The following LRRC4C variants were observed in gnomAD, a reference collection of about 807,000 sequenced individuals.
LRRC4C encodes the protein leucine rich repeat containing 4C.
Under a neutral mutation model 33.6 loss-of-function variants are expected in LRRC4C, and 5 were observed. The observed-to-expected ratio is 0.15, with a 90% CI of 0.08 to 0.31. The LOEUF (loss-of-function observed/expected upper bound fraction) is 0.31. Among genes scored for constraint, LRRC4C ranks in the 10% least tolerant of loss-of-function variants. The pLI is 1.00. For synonymous variants in LRRC4C, 329 were observed against 302.0 expected, an observed-to-expected ratio of 1.09 and a Z score of -0.93; for missense variants, 560 against 796.7, an observed-to-expected ratio of 0.70 and a Z score of 3.58.
At chr11:40,842,067 C>A (rs975727993) in intron 2 of LRRC4C, among the ~76,000 whole-genome samples, 1 of 152,184 alleles carries the variant, frequency 6.6e-6, no homozygotes, top group Non-Finnish European at 1.5e-5. Flanking sequence ...TTATAAATCA[C>A]GACAATTTCC....
At chr11:40,358,453 G>A (rs1470402282) in intron 3 of LRRC4C, among the ~76,000 whole-genome samples, 2 of 152,032 alleles carry the variant, frequency 1.3e-5, no homozygotes, top group South Asian at 2.1e-4. Context: ...GCTAATTTTT[G>A]TACTTTTAGT....
intron 3 of LRRC4C, among the ~76,000 whole-genome samples, chr11:40,501,142 G>T (rs1301944950): frequency 2.0e-5 from 3 of 152,048 alleles, no homozygotes; most frequent in Non-Finnish European, 2.9e-5. Flanking sequence ...GGTGCAAGGG[G>T]GTGGGTTCCC....
chr11:40,189,367 T>C (rs1861649829), intron 5 of LRRC4C, among the ~76,000 whole-genome samples: 1 of 152,160 alleles, frequency 6.6e-6, no homozygotes, highest in Non-Finnish European at 1.5e-5. Context: ...AACCATTGTG[T>C]TGTGTTTTGG....
At chr11:41,107,299 A>C (rs888402572) in intron 1 of LRRC4C, among the ~76,000 whole-genome samples, 3 of 152,088 alleles carry the variant, frequency 2.0e-5, no homozygotes, top group Non-Finnish European at 4.4e-5. Context: ...CTTATGATAC[A>C]AACATTTGAA....
chr11:40,649,016 A>T (rs1319565112), intron 2 of LRRC4C, among the ~76,000 whole-genome samples: 8 of 152,200 alleles, frequency 5.3e-5, no homozygotes, highest in Admixed American at 5.2e-4. Context: ...CACAGGCTTC[A>T]AAGGGCAAAA....
At chr11:41,233,762 A>G (rs997529015) in intron 1 of LRRC4C, among the ~76,000 whole-genome samples, 8 of 152,050 alleles carry the variant, frequency 5.3e-5, no homozygotes, top group African/African-American at 1.9e-4. Context: ...TTCATCATAT[A>G]TTTCTATGAC....
At chr11:40,439,915 C>G (rs1951315655) in intron 3 of LRRC4C, among the ~76,000 whole-genome samples, 1 of 152,196 alleles carries the variant, frequency 6.6e-6, no homozygotes, top group East Asian at 1.9e-4. Context: ...AAACTATAAC[C>G]ATTAGGCCAC....
At chr11:41,344,463 G>A (rs186688786) in intron 1 of LRRC4C, among the ~76,000 whole-genome samples, 25 of 152,046 alleles carry the variant, frequency 1.6e-4, no homozygotes, top group African/African-American at 5.5e-4. Context: ...CTCGTGATCC[G>A]CCCGCCTCGG....
At chr11:41,012,646 T>C (rs902322939) in intron 1 of LRRC4C, among the ~76,000 whole-genome samples, 2 of 152,178 alleles carry the variant, frequency 1.3e-5, no homozygotes, top group Admixed American at 1.3e-4. Flanking sequence ...TTTTAGATTT[T>C]TGAAGAACCT....
At chr11:40,320,053 A>G (rs1403225344) in intron 3 of LRRC4C, among the ~76,000 whole-genome samples, 2 of 152,086 alleles carry the variant, frequency 1.3e-5, no homozygotes, top group Non-Finnish European at 2.9e-5. Flanking sequence ...GAAATGTGTC[A>G]TATGAATTTC....
At chr11:40,504,185 TGGCA>T (rs1334428645) in intron 3 of LRRC4C, among the ~76,000 whole-genome samples, 1 of 152,124 alleles carries the variant, frequency 6.6e-6, no homozygotes, top group Non-Finnish European at 1.5e-5. Context: ...ATTTATCATC[TGGCA>T]TTTTGTAAAA....
chr11:40,988,174 A>G (rs1310184397), intron 1 of LRRC4C, among the ~76,000 whole-genome samples: 3 of 152,196 alleles, frequency 2.0e-5, no homozygotes, highest in East Asian at 1.9e-4. Context: ...AAGGCTCCCC[A>G]GCAACAATTA....
In LRRC4C at chr11:41,123,272, T is replaced by G. The variant is rs1241368907; in HGVS notation, c.-495-189549A>C. Among the ~76,000 whole-genome samples the G allele has an allele frequency of 5.0e-3, 425 of 85,508 alleles. 7 individuals carry two copies. The highest frequency in any genetic ancestry group is 0.015 in the African/African-American group (385 of 25,966). 56.1% of individuals were successfully genotyped at this position (85,508 alleles called of 152,430 possible). The stretch of plus-strand genomic sequence containing the variant: ...CTGAGCTATGTTTTGTTTTTTTTTT[T>G]TTTTTTTTTTTTTTTTTTGAGACGG... On this transcript the variant is annotated intron_variant, in intron 1 of 6. Coordinates refer to ENST00000528697, the MANE Select transcript of LRRC4C (RefSeq NM_001258419.2).
chr11:40,865,928 T>A (rs2135894319), intron 2 of LRRC4C, among the ~76,000 whole-genome samples: 1 of 151,958 alleles, frequency 6.6e-6, no homozygotes, highest in Middle Eastern at 3.4e-3. Flanking sequence ...TCAATATGAG[T>A]TTGAAAAAAA....
At chr11:41,326,733 C>G (rs147591124) in intron 1 of LRRC4C, among the ~76,000 whole-genome samples, 1 of 152,128 alleles carries the variant, frequency 6.6e-6, no homozygotes, top group African/African-American at 2.4e-5. Flanking sequence ...TGCACACACA[C>G]AAAAGCAGAA....
At chr11:40,449,540 C>T (rs947634203) in intron 3 of LRRC4C, among the ~76,000 whole-genome samples, 1 of 152,100 alleles carries the variant, frequency 6.6e-6, no homozygotes, top group Non-Finnish European at 1.5e-5. Context: ...TAGGGAAAAC[C>T]GAGGCCCCCA....
At chr11:40,498,024 G>A (rs558248084) in intron 3 of LRRC4C, among the ~76,000 whole-genome samples, 8 of 151,962 alleles carry the variant, frequency 5.3e-5, no homozygotes, top group South Asian at 2.1e-4. Context: ...TATTTAAATC[G>A]ACTTACAAAA....
chr11:41,088,059 T>C lies in LRRC4C; in HGVS notation c.-495-154336A>G, dbSNP rs142204922. 3.4e-3 allele frequency among the ~76,000 whole-genome samples: 519 copies of C among 152,252 alleles called. 2 individuals are homozygous for C. Among genetic ancestry groups the C allele is most frequent in the African/African-American group, 0.011 (477 of 41,574 alleles). On this transcript the variant is annotated intron_variant, in intron 1 of 6. Transcript: ENST00000528697. ...AAAGGATTTATTATAAGGTTGTAAA[T>C]GGCTTGCAAAATCATTGGACAGGCA... is the stretch of plus-strand genomic sequence containing the variant.
chr11:40,755,825 G>A (rs1272959653), intron 2 of LRRC4C, among the ~76,000 whole-genome samples: 1 of 152,054 alleles, frequency 6.6e-6, no homozygotes, highest in African/African-American at 2.4e-5. Context: ...AACAAGATTT[G>A]AGGAAACATC....
Sources: allele counts gnomAD v4.1 joint callset (sites outside exome capture counted in the v4.1 genomes callset), GRCh38; gene constraint gnomAD v4.1.1; transcripts MANE v1.5; gene names NCBI Gene and HGNC (gene_info 2026-07-23, HGNC 2026-07-21).